IRF6: variants seen among roughly 807,000 people sequenced by gnomAD.
IRF6 encodes Van der Woude syndrome.
Under a neutral mutation model 51.4 loss-of-function variants are expected in IRF6, and 6 were observed. The observed-to-expected ratio is 0.12, with a 90% CI of 0.06 to 0.23. The LOEUF (loss-of-function observed/expected upper bound fraction) is 0.23. Among genes scored for constraint, IRF6 ranks in the 10% least tolerant of loss-of-function variants. The pLI is 1.00. For missense variants in IRF6, 348 were observed against 585.2 expected, an observed-to-expected ratio of 0.59 and a Z score of 4.18; for synonymous variants, 178 against 215.7, an observed-to-expected ratio of 0.83 and a Z score of 1.53.
Position 209,790,930 on chromosome 1 carries a change from C to A in IRF6, c.668-43G>T. ...ACAGTGAGAGTCCTGCTTCACTGCTCTGCCTGTTCATCCCTGTGACTCATG... is the reference window on the plus strand; with the variant it reads ...ACAGTGAGAGTCCTGCTTCACTGCTATGCCTGTTCATCCCTGTGACTCATG... On this transcript the variant is annotated intron_variant, in intron 6 of 8. Transcript: ENST00000367021. This position sits in a 1 kb window ranked among gnomAD's most constrained non-coding sequence, Gnocchi z 4.8. 6.2e-7 allele frequency: 1 copy of A among 1,611,442 alleles called. No individual in the cohort carries two copies. The highest frequency in any genetic ancestry group is 1.1e-5 in the South Asian group (1 of 90,910).
intron 2 of IRF6, 68 bp from the exon 3 acceptor site, chr1:209,801,484 G>T: frequency 7.8e-7 from 1 of 1,286,894 alleles, no homozygotes; most frequent in Non-Finnish European, 1.1e-6. Flanking sequence ...ACCCTTCCCA[G>T]CCACCTTTCC....
chr1:209,794,411 A>G (rs1342995225), intron 5 of IRF6, among the ~76,000 whole-genome samples: 1 of 152,248 alleles, frequency 6.6e-6, no homozygotes, highest in African/African-American at 2.4e-5. Flanking sequence ...TAAATGAAGG[A>G]GGGCCAGTGG....
At chr1:209,792,245 C>A (rs1403632984) in intron 6 of IRF6, 24 bp downstream of exon 6, 1 of 1,609,572 alleles carries the variant, frequency 6.2e-7, no homozygotes, top group Admixed American at 1.7e-5. Context: ...GAAGACCGAG[C>A]AAGAAAGATA....
rs753335157 is a variant in IRF6, at chr1:209,796,634, A to AACACAAACAC, written c.175-83_175-82insGTGTTTGTGT. 1.1e-4 allele frequency: 64 copies of AACACAAACAC among 586,874 alleles called. No individual in the cohort carries two copies. The highest frequency in any genetic ancestry group is 5.2e-4 in the South Asian group (28 of 54,082). 36.4% of individuals were successfully genotyped at this position (586,874 alleles called of 1,614,324 possible). On this transcript the variant is annotated intron_variant, in intron 3 of 8. Coordinates refer to ENST00000367021, the MANE Select transcript of IRF6 (RefSeq NM_006147.4). This position sits in a 1 kb window ranked among gnomAD's most constrained non-coding sequence, Gnocchi z 4.5. ...GTGCTTACCCTTTCTCATAGACACA[A>AACACAAACAC]ACACACACACACACACACACACACA...
At position 209,790,724 on chromosome 1, in the gene IRF6, T is replaced by C. The variant is rs2102537022; in HGVS notation, c.831A>G (p.Pro277=). The change falls in exon 7 of 9, where the codon CCA becomes CCG. Residue 277 remains proline (P), a synonymous_variant. Coordinates refer to ENST00000367021, the MANE Select transcript of IRF6 (RefSeq NM_006147.4). This position sits in a 1 kb window ranked among gnomAD's most constrained non-coding sequence, Gnocchi z 4.8. ...TCTCATTGGTAATATGCTCAGGACC[T>C]GGGAATTTGACCTGCTCCAGGCTGA... ...GPVSLEQVKF[P]GPEHITNEKQ... The C allele has an allele frequency of 4.3e-6, 7 of 1,614,216 alleles. No homozygotes were observed. Among genetic ancestry groups the C allele is most frequent in the Non-Finnish European group, 5.9e-6 (7 of 1,180,038 alleles).
At chr1:209,795,170 G>T in intron 5 of IRF6, 120 bp downstream of exon 5, 1 of 1,167,552 alleles carries the variant, frequency 8.6e-7, no homozygotes, top group Non-Finnish European at 1.3e-6. Flanking sequence ...CAGTCCAGCA[G>T]TCTGGCTGCA....
intron 3 of IRF6, among the ~76,000 whole-genome samples, chr1:209,799,425 G>C (rs2077925877): frequency 6.6e-6 from 1 of 152,158 alleles, no homozygotes; most frequent in African/African-American, 2.4e-5. Flanking sequence ...TCCCTTACAG[G>C]GTTGTCACGA....
At position 209,796,944 on chromosome 1, in the gene IRF6, CT is replaced by C. The variant is rs2077905774; in HGVS notation, c.175-393del. Among the ~76,000 whole-genome samples, 1 of 152,208 alleles carries C rather than the reference CT, an allele frequency of 6.6e-6. No individual in the cohort carries two copies. The highest frequency in any genetic ancestry group is 2.1e-4 in the South Asian group (1 of 4,830). ...CTCTGGATAGCAGAATTTCAAGTAACTTTTTTTCTTTGCTTATTCATTTTTG... is the reference window on the plus strand; with the variant it reads ...CTCTGGATAGCAGAATTTCAAGTAACTTTTTTCTTTGCTTATTCATTTTTG... On this transcript the variant is annotated intron_variant, in intron 3 of 8. Transcript: ENST00000367021. The surrounding 1 kb of genome is among the most constrained non-coding windows in gnomAD (Gnocchi z 4.5).
chr1:209,789,133 A>C (rs1368339299), intron 8 of IRF6, among the ~76,000 whole-genome samples: 1 of 152,262 alleles, frequency 6.6e-6, no homozygotes, highest in South Asian at 2.1e-4. Context: ...CCAGACCAGC[A>C]TGAGCAACAT....
chr1:209,802,701 AG>A (rs1210808849), intron 1 of IRF6, among the ~76,000 whole-genome samples: 1 of 152,216 alleles, frequency 6.6e-6, no homozygotes, highest in African/African-American at 2.4e-5. Context: ...GAAGATAAAT[AG>A]GTCACCTTCA....
chr1:209,794,634 A>C (rs1473076099), intron 5 of IRF6, among the ~76,000 whole-genome samples: 1 of 152,244 alleles, frequency 6.6e-6, no homozygotes, highest in African/African-American at 2.4e-5. Context: ...TTCAGTGGAC[A>C]AATGAAGTAA....
intron 8 of IRF6, among the ~76,000 whole-genome samples, 167 bp downstream of exon 8, chr1:209,789,500 C>T (rs554204741): frequency 6.6e-6 from 1 of 152,208 alleles, no homozygotes; most frequent in South Asian, 2.1e-4. Flanking sequence ...AAGGACCCTG[C>T]CTTTTCCAGC....
intron 4 of IRF6, 115 bp from the exon 5 acceptor site, chr1:209,795,533 C>CA: frequency 6.8e-7 from 1 of 1,478,446 alleles, no homozygotes; most frequent in South Asian, 1.2e-5. Context: ...AGGTTCAGTA[C>CA]ACACCCTCAA....
rs1338809749 is a variant in IRF6, at chr1:209,790,608, AG to A, written c.946del (p.Leu316CysfsTer21). ...VSGHAIYAIR[L>X]CQCKVYWSGP... is the part of the protein sequence containing the mutation. ...AGACCAGTACACCTTGCACTGGCACAGCCTGATGGCATAAATGGCATGACCG... is the reference window on the plus strand; with the variant it reads ...AGACCAGTACACCTTGCACTGGCACACCTGATGGCATAAATGGCATGACCG... On this transcript the variant is annotated frameshift_variant, in exon 7 of 9. Coordinates refer to ENST00000367021, the MANE Select transcript of IRF6 (RefSeq NM_006147.4). LOFTEE classifies it high-confidence loss of function. This position sits in a 1 kb window ranked among gnomAD's most constrained non-coding sequence, Gnocchi z 4.8. 1 of 1,614,274 alleles carries A rather than the reference AG, an allele frequency of 6.2e-7. No homozygotes were observed. Among genetic ancestry groups the A allele is most frequent in the Non-Finnish European group, 8.5e-7 (1 of 1,180,044 alleles).
chr1:209,805,896 CG>C (rs1002373437), intron 1 of IRF6, 50 bp downstream of exon 1: 49 of 152,466 alleles, frequency 3.2e-4, no homozygotes, highest in African/African-American at 1.2e-3. Context: ...ACCCCACCCA[CG>C]GGGGAGCCTC....
Position 209,788,334 on chromosome 1 carries a change from A to G in IRF6, c.*86T>C. 1.1e-6 allele frequency: 1 copy of G among 879,056 alleles called. No homozygotes were observed. Among genetic ancestry groups the G allele is most frequent in the Non-Finnish European group, 1.8e-6 (1 of 548,886 alleles). 54.5% of individuals were successfully genotyped at this position (879,056 alleles called of 1,614,324 possible). A position where few individuals can be genotyped will look rare whatever the true frequency, so the allele number is the denominator to read the frequency against. On this transcript the variant is annotated 3_prime_UTR_variant, in exon 9 of 9. Transcript: ENST00000367021. ...TCTAACACTGTTAGAGAAAAGAGAG[A>G]TTTAAAAGCTGGTTAAATCTAAACA...
chr1:209,799,181 T>C (rs1478139540), intron 3 of IRF6, among the ~76,000 whole-genome samples: 1 of 152,196 alleles, frequency 6.6e-6, no homozygotes, highest in Non-Finnish European at 1.5e-5. Flanking sequence ...AAGGGAGAGC[T>C]GAAGCCCAGA....
At chr1:209,793,172 G>A (rs559944389) in intron 5 of IRF6, 21 of 152,068 alleles carry the variant, frequency 1.4e-4, no homozygotes, top group African/African-American at 4.8e-4. Context: ...TTCATCCTCT[G>A]CCCCAACAGC....
chr1:209,796,519 C>G lies in IRF6; in HGVS notation c.208G>C (p.Gly70Arg). The change falls in exon 4 of 9, where the codon GGG becomes CGG. Residue 70 changes from glycine (G) to arginine (R), a missense_variant. Transcript: ENST00000367021. The surrounding 1 kb of genome is among the most constrained non-coding windows in gnomAD (Gnocchi z 4.5). Reference protein sequence around the residue: ...WAVETGKYQEGVDDPDPAKWK... With the variant: ...WAVETGKYQERVDDPDPAKWK... The stretch of plus-strand genomic sequence containing the variant: ...TTAGCTGGGTCAGGGTCATCCACCC[C>G]TTCCTGGTACTTCCCTGTCTCTACA... 6.2e-7 allele frequency: 1 copy of G among 1,613,280 alleles called. No individual in the cohort carries two copies. Among genetic ancestry groups the G allele is most frequent in the Non-Finnish European group, 8.5e-7 (1 of 1,180,012 alleles).
Sources: gnomAD v4.1 joint callset for allele counts (sites outside exome capture counted in the v4.1 genomes callset) on GRCh38, gnomAD v4.1.1 for gene constraint, Gnocchi (gnomAD v3.1) non-coding constraint, MANE v1.5 for transcripts, NCBI Gene and HGNC (gene_info 2026-07-23, HGNC 2026-07-21) for gene names.